The following FRY variants were observed in gnomAD, a reference collection of about 807,000 sequenced individuals.
FRY encodes the protein protein furry homolog.
A neutral mutation model predicts 348.4 loss-of-function variants in FRY; 128 were observed. The ratio of observed to expected loss-of-function variants is 0.37; its 90% CI spans 0.32 to 0.43. The LOEUF is 0.43. FRY is among the 20% of genes least tolerant of loss of function. The probability of loss-of-function intolerance (pLI) is 1.00; values close to 1 mark genes in which losing one functional copy is unlikely to be tolerated. For synonymous variants in FRY, 1,370 were observed against 1,374.7 expected, an observed-to-expected ratio of 1.00 and a Z score of 0.08; for missense variants, 2,736 against 3,695.2, an observed-to-expected ratio of 0.74 and a Z score of 6.73.
intron 33 of FRY, 101 bp from the exon 34 acceptor site, chr13:32,210,765 C>A: frequency 1.1e-6 from 1 of 924,194 alleles, no homozygotes; most frequent in Non-Finnish European, 1.7e-6. Context: ...GGTGACAGCT[C>A]CTGCATGATG....
intron 7 of FRY, among the ~76,000 whole-genome samples, chr13:32,130,705 G>T (rs1177190194): frequency 6.6e-6 from 1 of 152,008 alleles, no homozygotes; most frequent in Admixed American, 6.5e-5. Flanking sequence ...ACTGGACTGT[G>T]TCTTTTTGTT....
chr13:32,107,726 G>A (rs552890154), intron 3 of FRY, among the ~76,000 whole-genome samples: 1 of 152,148 alleles, frequency 6.6e-6, no homozygotes, highest in Non-Finnish European at 1.5e-5. Context: ...AAGCTAAAGC[G>A]GGTGTGAGCC....
chr13:32,275,011 T>G lies in FRY; in HGVS notation c.8286+20T>G. On this transcript the variant is annotated intron_variant, in intron 56 of 60. Transcript: ENST00000542859. ...GAGACTGTGAGTATCCCAGTCCTGC[T>G]CTGACAGTGAAGGGCCTACGCAACC... 2 of 1,608,978 alleles carry G rather than the reference T, an allele frequency of 1.2e-6. No homozygotes were observed.
intron 19 of FRY, 149 bp from the exon 20 acceptor site, chr13:32,175,397 C>T: frequency 1.5e-6 from 1 of 685,048 alleles, no homozygotes; most frequent in Non-Finnish European, 2.7e-6. Flanking sequence ...TTACTCACTG[C>T]CTTCCACCCT....
At chr13:32,195,931 G>A (rs1277017313) in intron 29 of FRY, among the ~76,000 whole-genome samples, 1 of 152,166 alleles carries the variant, frequency 6.6e-6, no homozygotes, top group African/African-American at 2.4e-5. Flanking sequence ...TCTCAACACA[G>A]GGCATGTTCA....
chr13:32,220,738 C>G (rs970044422), intron 36 of FRY, among the ~76,000 whole-genome samples: 14 of 152,284 alleles, frequency 9.2e-5, no homozygotes, highest in African/African-American at 3.4e-4. Context: ...AATAACATAT[C>G]CCTTCCTAAC....
intron 3 of FRY, among the ~76,000 whole-genome samples, chr13:32,112,108 G>A (rs890224556): frequency 3.9e-5 from 6 of 152,186 alleles, no homozygotes; most frequent in African/African-American, 1.4e-4. Context: ...ACACGGGATA[G>A]GTGGGGCTTT....
At chr13:32,252,541 T>C (rs762607792) in intron 50 of FRY, among the ~76,000 whole-genome samples, 1 of 152,252 alleles carries the variant, frequency 6.6e-6, no homozygotes, top group Non-Finnish European at 1.5e-5. Flanking sequence ...GAATTAGGTA[T>C]GGGAGTATAA....
At chr13:32,231,057 G>T in intron 40 of FRY, 122 bp from the exon 41 acceptor site, 2 of 752,184 alleles carry the variant, frequency 2.7e-6, no homozygotes, top group Non-Finnish European at 4.3e-6. Flanking sequence ...TTAGATCTTT[G>T]TCAGATGCAT....
rs772477265 is a variant in FRY, at chr13:32,171,274, A to G, written c.2151+4A>G. ...CAACAAAATCAGAAATTCAGAGGTG[A>G]TTTTCACACCTTACCCATGAATTTA... On this transcript the variant is annotated splice_donor_region_variant and intron_variant, in intron 18 of 60. Transcript: ENST00000542859. 5.5e-6 allele frequency: 6 copies of G among 1,093,770 alleles called. No homozygotes were observed. Among genetic ancestry groups the G allele is most frequent in the Middle Eastern group, 2.3e-4 (1 of 4,290 alleles). 67.8% of individuals were successfully genotyped at this position (1,093,770 alleles called of 1,614,324 possible). A position where few individuals can be genotyped will look rare whatever the true frequency, so the allele number is the denominator to read the frequency against.
intron 37 of FRY, 127 bp downstream of exon 37, chr13:32,224,512 G>A: frequency 1.2e-6 from 1 of 830,114 alleles, no homozygotes; most frequent in East Asian, 2.6e-5. Context: ...GATCCTGCCT[G>A]ATTTGACTGT....
chr13:32,237,788 A>T lies in FRY; in HGVS notation c.6220A>T (p.Met2074Leu). The T allele has an allele frequency of 6.2e-7, 1 of 1,614,080 alleles. No homozygotes were observed. Among genetic ancestry groups the T allele is most frequent in the Non-Finnish European group, 8.5e-7 (1 of 1,179,954 alleles). ...GCTGTTGAGCAGACTACTGGCACAT[A>T]TGCCACTCGATAAGGCTGAGAACCG... Reference protein sequence around the residue: ...LRLLSRLLAHMPLDKAENREK... With the variant: ...LRLLSRLLAHLPLDKAENREK... Residue 2074 changes from methionine (M) to leucine (L), a missense_variant, in exon 44 of 61, where the codon ATG (methionine) becomes TTG (leucine). Physicochemically the swap from Met to Leu is conservative, Grantham distance 15. Coordinates refer to ENST00000542859, the MANE Select transcript of FRY (RefSeq NM_023037.3). This position sits in a 1 kb window ranked among gnomAD's most constrained non-coding sequence, Gnocchi z 6.3.
intron 51 of FRY, among the ~76,000 whole-genome samples, chr13:32,255,261 A>T (rs1566172329): frequency 1.3e-5 from 2 of 151,764 alleles, no homozygotes. Flanking sequence ...TTCCCAAACG[A>T]CTCTCTGCTA....
At chr13:32,274,198 C>T (rs73169150) in intron 55 of FRY, among the ~76,000 whole-genome samples, 16,466 of 151,944 alleles carry the variant, frequency 0.11, 1,131 homozygotes, top group East Asian at 0.22. Context: ...CATTCTCATG[C>T]GATATTTTTA....
intron 7 of FRY, among the ~76,000 whole-genome samples, chr13:32,126,267 T>TA (rs1233757785): frequency 1.2e-5 from 1 of 84,912 alleles, no homozygotes; most frequent in Non-Finnish European, 2.7e-5. Flanking sequence ...GAAACTTCAG[T>TA]ATCCAAAAAT....
chr13:32,256,328 AG>A (rs1264450472), intron 51 of FRY, among the ~76,000 whole-genome samples: 1 of 152,078 alleles, frequency 6.6e-6, no homozygotes, highest in Non-Finnish European at 1.5e-5. Context: ...ACTTGTGTCC[AG>A]GGGTTTAAGA....
At chr13:32,150,646 T>TA (rs1376192625) in intron 14 of FRY, among the ~76,000 whole-genome samples, 5 of 151,696 alleles carry the variant, frequency 3.3e-5, no homozygotes, top group South Asian at 4.2e-4. Flanking sequence ...ACTCTTAAGA[T>TA]AAAAAAAGGG....
intron 22 of FRY, among the ~76,000 whole-genome samples, chr13:32,179,346 G>A (rs1882556929): frequency 6.6e-6 from 1 of 152,038 alleles, no homozygotes; most frequent in Admixed American, 6.5e-5. Flanking sequence ...ACTCCTCACT[G>A]AGTATTCACC....
intron 17 of FRY, among the ~76,000 whole-genome samples, chr13:32,162,448 C>A (rs1026186515): frequency 1.3e-5 from 2 of 152,136 alleles, no homozygotes; most frequent in African/African-American, 4.8e-5. Flanking sequence ...GAGCCCCGCA[C>A]CTCCTGGTTA....
Sources: gnomAD v4.1 joint callset for allele counts (sites outside exome capture counted in the v4.1 genomes callset) on GRCh38, gnomAD v4.1.1 for gene constraint, Gnocchi (gnomAD v3.1) non-coding constraint, MANE v1.5 for transcripts, NCBI Gene and HGNC (gene_info 2026-07-23, HGNC 2026-07-21) for gene names.